The following SGMS1 variants were observed in gnomAD, a reference collection of about 807,000 sequenced individuals.
SGMS1 encodes the protein phosphatidylcholine:ceramide cholinephosphotransferase 1.
A neutral mutation model predicts 46.2 loss-of-function variants in SGMS1; 13 were observed. The observed-to-expected ratio is 0.28, with a 90% CI of 0.18 to 0.45. The LOEUF (loss-of-function observed/expected upper bound fraction) is 0.45, where lower values mean the gene tolerates loss of function less well. SGMS1 is among the 20% of genes least tolerant of loss of function. The probability of loss-of-function intolerance (pLI) is 1.00; values close to 1 mark genes in which losing one functional copy is unlikely to be tolerated. For missense variants in SGMS1, 324 were observed against 519.9 expected, an observed-to-expected ratio of 0.62 and a Z score of 3.66; for synonymous variants, 203 against 187.8, an observed-to-expected ratio of 1.08 and a Z score of -0.66.
At chr10:50,383,351 C>T (rs997256263) in intron 6 of SGMS1, among the ~76,000 whole-genome samples, 1 of 152,108 alleles carries the variant, frequency 6.6e-6, no homozygotes, top group African/African-American at 2.4e-5. Flanking sequence ...TTTAAAAATA[C>T]TGCAGGATTT....
At chr10:50,340,668 A>G (rs1460479691) in intron 7 of SGMS1, 3 of 152,206 alleles carry the variant, frequency 2.0e-5, no homozygotes, top group Admixed American at 6.5e-5. Flanking sequence ...ATCAAAACCT[A>G]TGTTTAATAG....
chr10:50,425,961 A>C (rs556590026), intron 6 of SGMS1, among the ~76,000 whole-genome samples: 1 of 152,336 alleles, frequency 6.6e-6, no homozygotes, highest in East Asian at 1.9e-4. Context: ...GTACAAAGAT[A>C]TTCATTGATA....
intron 2 of SGMS1, among the ~76,000 whole-genome samples, chr10:50,547,748 C>A (rs914171713): frequency 6.6e-6 from 1 of 151,992 alleles, no homozygotes; most frequent in Non-Finnish European, 1.5e-5. Flanking sequence ...AAAAAAGAAA[C>A]CTTCAGGCCA....
At chr10:50,381,034 A>C (rs1848596617) in intron 6 of SGMS1, among the ~76,000 whole-genome samples, 1 of 147,140 alleles carries the variant, frequency 6.8e-6, no homozygotes, top group Non-Finnish European at 1.5e-5. Flanking sequence ...TCTCACTGTT[A>C]CCCAGGCTAC....
At chr10:50,402,798 T>G (rs924685576) in intron 6 of SGMS1, among the ~76,000 whole-genome samples, 1 of 151,960 alleles carries the variant, frequency 6.6e-6, no homozygotes. Context: ...ATGGATGATT[T>G]GTATAGTGAA....
At chr10:50,544,805 A>T (rs1838086129) in intron 2 of SGMS1, among the ~76,000 whole-genome samples, 1 of 152,182 alleles carries the variant, frequency 6.6e-6, no homozygotes, top group Admixed American at 6.5e-5. Flanking sequence ...CGGTCCCAAC[A>T]TGCCATGAAG....
intron 2 of SGMS1, among the ~76,000 whole-genome samples, chr10:50,536,733 T>C (rs986338416): frequency 1.3e-5 from 2 of 152,228 alleles, no homozygotes; most frequent in Non-Finnish European, 2.9e-5. Flanking sequence ...TTTTCATACA[T>C]TTTGTCCCAT....
At position 50,561,319 on chromosome 10, in the gene SGMS1, A is replaced by T. The variant is rs373105028; in HGVS notation, c.-589+28834T>A. 4.6e-5 allele frequency among the ~76,000 whole-genome samples: 7 copies of T among 152,330 alleles called. No individual in the cohort carries two copies. In the East Asian group the frequency reaches 1.4e-3, roughly 29 times the overall value. On this transcript the variant is annotated intron_variant, in intron 2 of 10. Coordinates refer to ENST00000361781, the MANE Select transcript of SGMS1 (RefSeq NM_147156.4). ...GTAGGTATCACCACCCTCATTTGAC[A>T]ACTGCGGAAACTGAGGCACTGAGTA...
intron 8 of SGMS1, among the ~76,000 whole-genome samples, chr10:50,326,221 T>A (rs987687960): frequency 1.3e-5 from 2 of 152,040 alleles, no homozygotes; most frequent in African/African-American, 4.8e-5. Flanking sequence ...GCTATCTCTG[T>A]AGGCACATAT....
At chr10:50,377,494 A>T (rs1848537299) in intron 6 of SGMS1, among the ~76,000 whole-genome samples, 1 of 152,214 alleles carries the variant, frequency 6.6e-6, no homozygotes, top group Admixed American at 6.5e-5. Flanking sequence ...CTGATGGAAG[A>T]TGTTTTCATC....
chr10:50,575,670 G>A (rs986886948), intron 2 of SGMS1, among the ~76,000 whole-genome samples: 2 of 146,478 alleles, frequency 1.4e-5, no homozygotes, highest in Non-Finnish European at 3.0e-5. Flanking sequence ...TTATTATCTC[G>A]ACTGTGGTGG....
intron 3 of SGMS1, among the ~76,000 whole-genome samples, chr10:50,468,666 G>A (rs1311967246): frequency 6.6e-6 from 1 of 152,158 alleles, no homozygotes; most frequent in Non-Finnish European, 1.5e-5. Flanking sequence ...ACCCATGACA[G>A]TGTCATCTTC....
intron 2 of SGMS1, among the ~76,000 whole-genome samples, chr10:50,556,748 C>T (rs921929355): frequency 6.6e-6 from 1 of 152,162 alleles, no homozygotes; most frequent in Non-Finnish European, 1.5e-5. Context: ...TTTGCAGAAT[C>T]CCTAGAAAAA....
intron 3 of SGMS1, among the ~76,000 whole-genome samples, chr10:50,478,709 A>G (rs916498997): frequency 1.7e-4 from 26 of 152,370 alleles, no homozygotes; most frequent in East Asian, 1.5e-3. Context: ...TCTTGCAAGT[A>G]AAAGTCTCCT....
intron 7 of SGMS1, among the ~76,000 whole-genome samples, chr10:50,332,289 T>A (rs1316426597): frequency 6.6e-6 from 1 of 152,126 alleles, no homozygotes; most frequent in Admixed American, 6.5e-5. Context: ...AGCCATTCTC[T>A]CTGCCTGGAT....
intron 1 of SGMS1, 88 bp downstream of exon 1, chr10:50,623,619 C>T (rs1410812209): frequency 1.0e-6 from 1 of 985,346 alleles, no homozygotes; most frequent in African/African-American, 1.7e-5. Context: ...CCCGCTGCTC[C>T]CCGGCATAAG....
chr10:50,366,415 T>C (rs1848345222), intron 6 of SGMS1, among the ~76,000 whole-genome samples: 1 of 152,072 alleles, frequency 6.6e-6, no homozygotes, highest in East Asian at 1.9e-4. Flanking sequence ...GATCTAGAAC[T>C]AGAAATGCCA....
chr10:50,587,675 GTGT>G, intron 2 of SGMS1, among the ~76,000 whole-genome samples: 1 of 150,452 alleles, frequency 6.6e-6, no homozygotes, highest in South Asian at 2.1e-4. Flanking sequence ...GTGTGTGTGT[GTGT>G]GTCGTTATGT....
chr10:50,429,100 T>C (rs1214942603), intron 6 of SGMS1, among the ~76,000 whole-genome samples: 1 of 152,234 alleles, frequency 6.6e-6, no homozygotes, highest in Non-Finnish European at 1.5e-5. Flanking sequence ...GTATTGCTTT[T>C]GCACCATCAT....
Sources: gnomAD v4.1 joint callset for allele counts (sites outside exome capture counted in the v4.1 genomes callset) on GRCh38, gnomAD v4.1.1 for gene constraint, MANE v1.5 for transcripts, NCBI Gene and HGNC (gene_info 2026-07-23, HGNC 2026-07-21) for gene names.